RANBP17: variants seen among roughly 807,000 people sequenced by gnomAD.
RANBP17 encodes the protein ran-binding protein 17.
Under a neutral mutation model 141.2 loss-of-function variants are expected in RANBP17, and 158 were observed. That is an observed-to-expected ratio of 1.12 (90% CI 0.98 to 1.28). RANBP17 has a LOEUF of 1.28. RANBP17 is among the 50% of genes most tolerant of loss of function. The pLI, the probability that RANBP17 is intolerant of heterozygous loss-of-function variation, is 0.00. For missense variants in RANBP17, 1,438 were observed against 1,290.7 expected (o/e 1.11, Z -1.75); for synonymous variants, 430 against 450.0 (o/e 0.96, Z 0.56).
intron 24 of RANBP17, among the ~76,000 whole-genome samples, chr5:171,247,727 T>C (rs1419321522): frequency 2.0e-5 from 3 of 152,202 alleles, no homozygotes; most frequent in Non-Finnish European, 4.4e-5. Flanking sequence ...AACTCCTTCA[T>C]TCAGTAATTA....
chr5:171,293,028 G>T (rs192713173), intron 25 of RANBP17, among the ~76,000 whole-genome samples: 3 of 152,252 alleles, frequency 2.0e-5, no homozygotes, highest in Non-Finnish European at 4.4e-5. Context: ...CCCTTTGTGT[G>T]CATCCCCACC....
intron 14 of RANBP17, among the ~76,000 whole-genome samples, chr5:171,002,217 T>C (rs1779258289): frequency 6.6e-6 from 1 of 152,120 alleles, no homozygotes; most frequent in South Asian, 2.1e-4. Flanking sequence ...GAAGGAGATA[T>C]TTTCCTTGGT....
chr5:170,918,428 A>ACACACACACACACACACAC (rs1554134261), intron 9 of RANBP17: 5 of 229,082 alleles, frequency 2.2e-5, no homozygotes, highest in Middle Eastern at 1.4e-3. Flanking sequence ...ACACACACAC[A>ACACACACACACACACACAC]ACTTTTGTGT....
chr5:171,212,167 C>G (rs1268428722), intron 20 of RANBP17, among the ~76,000 whole-genome samples: 2 of 152,122 alleles, frequency 1.3e-5, no homozygotes, highest in Non-Finnish European at 2.9e-5. Flanking sequence ...TAATTGACAC[C>G]TATATTGAAA....
chr5:171,008,593 G>A (rs1000467475), intron 14 of RANBP17, among the ~76,000 whole-genome samples: 7 of 152,192 alleles, frequency 4.6e-5, no homozygotes, highest in Middle Eastern at 3.2e-3. Flanking sequence ...AATGTTTTGC[G>A]GGTAGGGGGT....
At chr5:171,002,881 A>G (rs1320721149) in intron 14 of RANBP17, among the ~76,000 whole-genome samples, 1 of 152,128 alleles carries the variant, frequency 6.6e-6, no homozygotes, top group African/African-American at 2.4e-5. Context: ...TTTCGGGAAT[A>G]ATGTGGGAGG....
At chr5:171,101,334 G>A (rs1471532224) in intron 14 of RANBP17, among the ~76,000 whole-genome samples, 2 of 152,100 alleles carry the variant, frequency 1.3e-5, no homozygotes, top group Non-Finnish European at 2.9e-5. Flanking sequence ...TTGCATTGAT[G>A]CCTTTATTAT....
intron 14 of RANBP17, among the ~76,000 whole-genome samples, chr5:171,091,617 A>G (rs959726578): frequency 5.3e-5 from 8 of 152,114 alleles, no homozygotes; most frequent in Non-Finnish European, 1.2e-4. Context: ...CCCCACCCAA[A>G]TCTCATCTTG....
chr5:170,954,758 C>T (rs1280701245), intron 13 of RANBP17, among the ~76,000 whole-genome samples: 3 of 151,896 alleles, frequency 2.0e-5, no homozygotes, highest in Non-Finnish European at 2.9e-5. Flanking sequence ...CATTAGAGTT[C>T]GTTCCTAAAT....
chr5:171,274,657 C>T (rs1212880703), intron 25 of RANBP17, among the ~76,000 whole-genome samples: 1 of 152,172 alleles, frequency 6.6e-6, no homozygotes, highest in Non-Finnish European at 1.5e-5. Context: ...AGATCACCTA[C>T]ATCCTGATAC....
intron 7 of RANBP17, among the ~76,000 whole-genome samples, chr5:170,911,608 T>C (rs1218060617): frequency 6.6e-6 from 1 of 151,826 alleles, no homozygotes; most frequent in Non-Finnish European, 1.5e-5. Flanking sequence ...ACAAATGATC[T>C]TTGCACAGTG....
At chr5:171,112,055 T>G (rs1755271030) in intron 14 of RANBP17, among the ~76,000 whole-genome samples, 1 of 152,208 alleles carries the variant, frequency 6.6e-6, no homozygotes, top group Non-Finnish European at 1.5e-5. Context: ...TTATTATACA[T>G]AGCAAAGTCA....
intron 14 of RANBP17, among the ~76,000 whole-genome samples, chr5:171,143,811 G>A (rs937534966): frequency 6.6e-6 from 1 of 152,144 alleles, no homozygotes; most frequent in Non-Finnish European, 1.5e-5. Context: ...ATATTTGAAC[G>A]AGGTCTTAAA....
intron 3 of RANBP17, among the ~76,000 whole-genome samples, chr5:170,884,878 C>T (rs967353024): frequency 6.8e-6 from 1 of 148,010 alleles, no homozygotes; most frequent in African/African-American, 2.5e-5. Flanking sequence ...CATCATGTGG[C>T]ACTGGTTCAG....
intron 14 of RANBP17, among the ~76,000 whole-genome samples, chr5:171,005,560 G>A (rs1181337266): frequency 1.3e-5 from 2 of 152,140 alleles, no homozygotes; most frequent in Non-Finnish European, 2.9e-5. Flanking sequence ...GCTGAAACTG[G>A]ATCCCTTCCT....
chr5:171,130,074 A>C (rs1337632527), intron 14 of RANBP17, among the ~76,000 whole-genome samples: 3 of 152,214 alleles, frequency 2.0e-5, no homozygotes, highest in Non-Finnish European at 4.4e-5. Context: ...TAAGGGAAGG[A>C]CTTAAATTCA....
intron 5 of RANBP17, chr5:170,896,995 C>A: frequency 9.1e-7 from 1 of 1,092,908 alleles, no homozygotes; most frequent in Non-Finnish European, 1.4e-6. Context: ...CTTCTGGGAC[C>A]TGGCACTAAG....
intron 25 of RANBP17, chr5:171,271,157 C>G: frequency 8.9e-6 from 1 of 112,380 alleles, no homozygotes; most frequent in Non-Finnish European, 1.6e-5. Context: ...GAAGAGCTGT[C>G]AGGAGCTATA....
intron 5 of RANBP17, among the ~76,000 whole-genome samples, chr5:170,908,482 G>A (rs999853454): frequency 6.6e-6 from 1 of 151,232 alleles, no homozygotes; most frequent in African/African-American, 2.4e-5. Flanking sequence ...TGGACATAAA[G>A]ATGGCAACAG....
Sources: gnomAD v4.1 joint callset for allele counts (sites outside exome capture counted in the v4.1 genomes callset) on GRCh38, gnomAD v4.1.1 for gene constraint, MANE v1.5 for transcripts, NCBI Gene and HGNC (gene_info 2026-07-23, HGNC 2026-07-21) for gene names.